AGBL2: variants seen among roughly 807,000 people sequenced by gnomAD.
AGBL2 encodes the protein AGBL carboxypeptidase 2, also known as cytosolic carboxypeptidase 2.
A neutral mutation model predicts 103.0 loss-of-function variants in AGBL2; 87 were observed. That is an observed-to-expected ratio of 0.84 (90% CI 0.71 to 1.01). The LOEUF (loss-of-function observed/expected upper bound fraction) is 1.01. AGBL2 is among the 50% of genes least tolerant of loss of function. The pLI is 0.00. For synonymous variants in AGBL2, 335 were observed against 356.7 expected (o/e 0.94, Z 0.69); for missense variants, 904 against 1,023.5 (o/e 0.88, Z 1.59).
chr11:47,685,217 AT>A (rs1260952649), intron 11 of AGBL2, among the ~76,000 whole-genome samples: 6 of 152,184 alleles, frequency 3.9e-5, no homozygotes, highest in African/African-American at 9.6e-5. Flanking sequence ...AAAAAAAAAA[AT>A]AAAAAAGGAT....
intron 13 of AGBL2, 72 bp downstream of exon 13, chr11:47,679,901 C>T (rs1338828891): frequency 4.0e-6 from 4 of 1,004,038 alleles, no homozygotes; most frequent in Non-Finnish European, 4.6e-6. Flanking sequence ...TTCAGCCTCC[C>T]AAAGTGCTAG....
intron 3 of AGBL2, among the ~76,000 whole-genome samples, chr11:47,711,247 C>A (rs1462539197): frequency 6.6e-6 from 1 of 152,026 alleles, no homozygotes; most frequent in African/African-American, 2.4e-5. Flanking sequence ...AGACCCCTTC[C>A]CTAGGAATCT....
intron 8 of AGBL2, among the ~76,000 whole-genome samples, chr11:47,696,036 A>AG (rs2097470955): frequency 1.0e-4 from 1 of 9,960 alleles, no homozygotes; most frequent in East Asian, 2.6e-3. Context: ...AAAAAAAAAA[A>AG]GAAAAAAAAA....
chr11:47,691,726 A>AT (rs1291372821), intron 9 of AGBL2, among the ~76,000 whole-genome samples: 23 of 36,652 alleles, frequency 6.3e-4, no homozygotes, highest in African/African-American at 1.8e-3. Flanking sequence ...AAAAAAAAAA[A>AT]AAAATATATA....
At chr11:47,695,456 C>A (rs74648020) in intron 8 of AGBL2, among the ~76,000 whole-genome samples, 22 of 121,098 alleles carry the variant, frequency 1.8e-4, no homozygotes, top group Middle Eastern at 6.3e-3. Flanking sequence ...GCCTGGGCGA[C>A]GAAAGTGAAA....
chr11:47,670,324 GT>G lies in AGBL2; in HGVS notation c.2148-1418del, dbSNP rs555124179. On this transcript the variant is annotated intron_variant, in intron 14 of 18. Coordinates refer to ENST00000525123, the MANE Select transcript of AGBL2 (RefSeq NM_024783.4). ...GTACGTCGCTGTATCTACAAAAAAT[GT>G]TTTTTTTAAAATTAGCTAGTAATGG... Among the ~76,000 whole-genome samples the G allele has an allele frequency of 2.6e-5, 4 of 151,912 alleles. 1 individual carries two copies. The South Asian group carries it at 8.3e-4, about 32-fold the overall frequency.
chr11:47,696,451 G>A (rs1330576261), intron 8 of AGBL2, among the ~76,000 whole-genome samples: 3 of 151,880 alleles, frequency 2.0e-5, no homozygotes, highest in South Asian at 2.1e-4. Flanking sequence ...TTTTAGTAGA[G>A]AGACAGGGTT....
chr11:47,701,176 C>G lies in AGBL2; in HGVS notation c.587-1623G>C, dbSNP rs537622090. ...TTTTAAAAATTGCTTTATAAAAGATCATGTAGTTGGCTGGGCGCAGTGAGT... is the reference window on the plus strand; with the variant it reads ...TTTTAAAAATTGCTTTATAAAAGATGATGTAGTTGGCTGGGCGCAGTGAGT... On this transcript the variant is annotated intron_variant, in intron 7 of 18. Transcript: ENST00000525123. Among the ~76,000 whole-genome samples the G allele has an allele frequency of 1.1e-4, 17 of 151,842 alleles. No homozygotes were observed. The South Asian group carries it at 3.5e-3, about 32-fold the overall frequency.
intron 8 of AGBL2, among the ~76,000 whole-genome samples, chr11:47,694,593 T>C (rs1238649752): frequency 1.3e-5 from 2 of 152,180 alleles, no homozygotes; most frequent in African/African-American, 2.4e-5. Flanking sequence ...AAATACACTT[T>C]AAAATTTGAT....
intron 8 of AGBL2, among the ~76,000 whole-genome samples, chr11:47,693,179 T>C (rs1201909666): frequency 6.6e-6 from 1 of 151,830 alleles, no homozygotes; most frequent in East Asian, 1.9e-4. Flanking sequence ...TTCCTTCCTT[T>C]TTTTGACAGG....
At position 47,705,641 on chromosome 11, in the gene AGBL2, C is replaced by CAA. The variant is rs71228117; in HGVS notation, c.287-9_287-8dup. On this transcript the variant is annotated splice_polypyrimidine_tract_variant and splice_region_variant and intron_variant, in intron 5 of 18. Coordinates refer to ENST00000525123, the MANE Select transcript of AGBL2 (RefSeq NM_024783.4). ...CCCAGGCAAGAGTGAAAGTCTGTGTCAAAAAAAAAAAAAAAAGAAAAAGAA... is the reference window on the plus strand; with the variant it reads ...CCCAGGCAAGAGTGAAAGTCTGTGTCAAAAAAAAAAAAAAAAAAGAAAAAGAA... 0.16 allele frequency: 63,858 copies of CAA among 407,220 alleles called. 3,435 individuals are homozygous for CAA. The highest frequency in any genetic ancestry group is 0.31 in the African/African-American group (11,786 of 37,596). The allele number at this position is 407,220 out of a possible 1,614,324, so 25.2% of individuals were successfully genotyped here. A position where few individuals can be genotyped will look rare whatever the true frequency, so the allele number is the denominator to read the frequency against.
At chr11:47,666,920 A>G in intron 17 of AGBL2, 36 bp downstream of exon 17, 1 of 1,314,732 alleles carries the variant, frequency 7.6e-7, no homozygotes, top group Non-Finnish European at 1.1e-6. Context: ...AGGTTAGAGA[A>G]TCTGTGTGAC....
intron 6 of AGBL2, 151 bp from the exon 7 acceptor site, chr11:47,704,879 T>G (rs1360792484): frequency 6.2e-6 from 4 of 640,688 alleles, no homozygotes; most frequent in Non-Finnish European, 1.0e-5. Flanking sequence ...TCAAGAAGAT[T>G]TAGTCCAGAA....
Position 47,690,234 on chromosome 11 carries a change from A to C in AGBL2, c.1473T>G (p.Asp491Glu). ...SNSPDAQLLR[D>E]IFVFKVLPML... ...TGGGAAGCACCTTGAAGACAAAAAT[A>C]TCTCTGAGGAGCTGGGCATCTGGGG... Residue 491 changes from aspartate (D) to glutamate (E), a missense_variant, in exon 10 of 19, where the codon GAT (aspartate) becomes GAG (glutamate). Physicochemically the swap from Asp to Glu is conservative, Grantham distance 45. Coordinates refer to ENST00000525123, the MANE Select transcript of AGBL2 (RefSeq NM_024783.4). The C allele has an allele frequency of 6.2e-7, 1 of 1,614,168 alleles. No homozygotes were observed. The highest frequency in any genetic ancestry group is 8.5e-7 in the Non-Finnish European group (1 of 1,180,034).
At chr11:47,696,409 C>T (rs948331772) in intron 8 of AGBL2, among the ~76,000 whole-genome samples, 3 of 151,728 alleles carry the variant, frequency 2.0e-5, no homozygotes, top group African/African-American at 7.3e-5. Flanking sequence ...ACTACAGGTG[C>T]GCACCACCAT....
At chr11:47,693,107 A>C (rs1383682532) in intron 8 of AGBL2, among the ~76,000 whole-genome samples, 2 of 151,984 alleles carry the variant, frequency 1.3e-5, no homozygotes, top group Non-Finnish European at 2.9e-5. Flanking sequence ...GACATGAGCC[A>C]TTGCATCCTG....
At chr11:47,667,822 T>A (rs2097345457) in intron 15 of AGBL2, 126 bp from the exon 16 acceptor site, 1 of 1,093,928 alleles carries the variant, frequency 9.1e-7, no homozygotes, top group Non-Finnish European at 1.3e-6. Context: ...TGGTGTTGGT[T>A]TGGAGAATAA....
Position 47,679,933 on chromosome 11 carries a change from T to G in AGBL2, c.2016+40A>C, listed in dbSNP as rs573060354. The G allele has an allele frequency of 5.3e-6, 7 of 1,322,110 alleles. No individual in the cohort carries two copies. In the African/African-American group the frequency reaches 1.0e-4, roughly 19 times the overall value. The allele number at this position is 1,322,110 out of a possible 1,614,324, so 81.9% of individuals were successfully genotyped here. A position where few individuals can be genotyped will look rare whatever the true frequency, so the allele number is the denominator to read the frequency against. ...CTAGGATTACAGGTGTGAGCCACCATGCCTGGCCTTCATCACATTTCTTGA... is the reference window on the plus strand; with the variant it reads ...CTAGGATTACAGGTGTGAGCCACCAGGCCTGGCCTTCATCACATTTCTTGA... On this transcript the variant is annotated intron_variant, in intron 13 of 18. Coordinates refer to ENST00000525123, the MANE Select transcript of AGBL2 (RefSeq NM_024783.4).
At chr11:47,696,638 C>T (rs1161964547) in intron 8 of AGBL2, among the ~76,000 whole-genome samples, 1 of 152,104 alleles carries the variant, frequency 6.6e-6, no homozygotes, top group Non-Finnish European at 1.5e-5. Flanking sequence ...CCTTTTATTT[C>T]TTCCTTGAGT....
Sources: gnomAD v4.1 joint callset for allele counts (sites outside exome capture counted in the v4.1 genomes callset) on GRCh38, gnomAD v4.1.1 for gene constraint, MANE v1.5 for transcripts, NCBI Gene and HGNC (gene_info 2026-07-23, HGNC 2026-07-21) for gene names.